The following HTR1F variants were observed in gnomAD, a reference collection of about 807,000 sequenced individuals.
HTR1F encodes the protein 5-hydroxytryptamine receptor 1F, also known as 5-hydroxytryptamine (serotonin) receptor 1F, G protein-coupled.
A neutral mutation model predicts 24.0 loss-of-function variants in HTR1F; 17 were observed. The observed-to-expected ratio is 0.71, with a 90% CI of 0.48 to 1.06. The LOEUF is 1.06. Ranked by LOEUF, HTR1F falls within the 50% of genes least tolerant of loss-of-function variation. The pLI is 0.00. For synonymous variants in HTR1F, 186 were observed against 156.8 expected (o/e 1.19, Z -1.39); for missense variants, 391 against 427.8 (o/e 0.91, Z 0.76).
At chr3:87,912,955 CTT>C (rs1394013677) in intron 2 of HTR1F, among the ~76,000 whole-genome samples, 1 of 152,134 alleles carries the variant, frequency 6.6e-6, no homozygotes, top group Non-Finnish European at 1.5e-5. Context: ...GGATTGAAGA[CTT>C]AAATGTAAAA....
chr3:87,934,859 C>G (rs1025091186), intron 2 of HTR1F, among the ~76,000 whole-genome samples: 2 of 152,094 alleles, frequency 1.3e-5, no homozygotes, highest in African/African-American at 4.8e-5. Flanking sequence ...AGCTTATACT[C>G]TTAACTGTTT....
chr3:87,798,585 C>CT (rs1266863291), intron 1 of HTR1F, among the ~76,000 whole-genome samples: 1 of 151,658 alleles, frequency 6.6e-6, no homozygotes. Context: ...TCTCAGCTAT[C>CT]TTCCCTCAAA....
At chr3:87,805,066 A>G (rs1285196769) in intron 1 of HTR1F, among the ~76,000 whole-genome samples, 1 of 152,054 alleles carries the variant, frequency 6.6e-6, no homozygotes, top group East Asian at 1.9e-4. Flanking sequence ...TGAAATATTA[A>G]TTTTACCATC....
At chr3:87,841,230 CA>C (rs1488655186) in intron 2 of HTR1F, among the ~76,000 whole-genome samples, 1 of 151,194 alleles carries the variant, frequency 6.6e-6, no homozygotes, top group African/African-American at 2.4e-5. Flanking sequence ...CAAGTATTAA[CA>C]AAATTATTAT....
intron 2 of HTR1F, 81 bp from the exon 3 acceptor site, chr3:87,990,627 A>G (rs1233469545): frequency 1.5e-6 from 1 of 684,772 alleles, no homozygotes; most frequent in African/African-American, 1.8e-5. Context: ...CATAACATAC[A>G]CTTTTTAAAA....
At chr3:87,915,657 A>T (rs1703876820) in intron 2 of HTR1F, among the ~76,000 whole-genome samples, 1 of 152,154 alleles carries the variant, frequency 6.6e-6, no homozygotes, top group Non-Finnish European at 1.5e-5. Flanking sequence ...ACAAAGACAA[A>T]GAAAAAAGAA....
At chr3:87,886,264 G>A (rs1228596444) in intron 2 of HTR1F, among the ~76,000 whole-genome samples, 3 of 152,158 alleles carry the variant, frequency 2.0e-5, no homozygotes, top group Non-Finnish European at 1.5e-5. Context: ...AATAGATGCA[G>A]AAAAGGCCTT....
chr3:87,824,038 T>C, intron 2 of HTR1F, among the ~76,000 whole-genome samples: 1 of 137,514 alleles, frequency 7.3e-6, no homozygotes, highest in Non-Finnish European at 1.5e-5. Flanking sequence ...AGGGTGAGAC[T>C]CCGCCTAAAA....
intron 1 of HTR1F, among the ~76,000 whole-genome samples, chr3:87,820,198 A>G (rs1362815968): frequency 7.5e-6 from 1 of 133,384 alleles, no homozygotes; most frequent in Non-Finnish European, 1.6e-5. Context: ...TTTTTTTGAG[A>G]CAGAGTCTCG....
At chr3:87,891,287 G>GC (rs1273723631) in intron 2 of HTR1F, among the ~76,000 whole-genome samples, 1 of 149,604 alleles carries the variant, frequency 6.7e-6, no homozygotes, top group Non-Finnish European at 1.5e-5. Context: ...TAAATTGAGT[G>GC]TTTTTTGTTA....
intron 1 of HTR1F, among the ~76,000 whole-genome samples, chr3:87,796,150 G>A (rs1703900803): frequency 6.6e-6 from 1 of 152,150 alleles, no homozygotes; most frequent in Non-Finnish European, 1.5e-5. Flanking sequence ...TCTTTAACCA[G>A]GATGTATTGT....
intron 2 of HTR1F, among the ~76,000 whole-genome samples, chr3:87,863,873 G>T (rs139742722): frequency 2.3e-4 from 35 of 152,284 alleles, no homozygotes; most frequent in Admixed American, 1.1e-3. Context: ...AGTTTGAAAT[G>T]GTTATCACTG....
At chr3:87,961,645 T>C (rs1395847265) in intron 2 of HTR1F, among the ~76,000 whole-genome samples, 1 of 152,018 alleles carries the variant, frequency 6.6e-6, no homozygotes, top group African/African-American at 2.4e-5. Context: ...TTTTTTGAAC[T>C]TTAATGTATT....
rs1188433988 is a variant in HTR1F at position 87,814,102 on chromosome 3, GTGGTATGCACTTTCACAT to G, written c.-159-7904_-159-7887del. The stretch of plus-strand genomic sequence containing the variant: ...AAAGGTAAAGGGTGCCTTGTGCCTG[GTGGTATGCACTTTCACAT>G]TTAAAGTAATGAATGACGCAATGTG... On this transcript the variant is annotated intron_variant, in intron 1 of 2. Transcript: ENST00000319595. Among the ~76,000 whole-genome samples, 70 of 152,098 alleles carry G rather than the reference GTGGTATGCACTTTCACAT, an allele frequency of 4.6e-4. 2 individuals carry two copies. The highest frequency in any genetic ancestry group is 1.5e-5 in the Non-Finnish European group (1 of 68,014).
chr3:87,944,608 A>T (rs970598808), intron 2 of HTR1F, among the ~76,000 whole-genome samples: 4 of 152,230 alleles, frequency 2.6e-5, no homozygotes, highest in African/African-American at 7.2e-5. Context: ...GGTTAAGGGA[A>T]TTATCAGTGG....
At chr3:87,895,742 T>C (rs1466587840) in intron 2 of HTR1F, among the ~76,000 whole-genome samples, 1 of 152,150 alleles carries the variant, frequency 6.6e-6, no homozygotes, top group Non-Finnish European at 1.5e-5. Context: ...ATAAAAAAAC[T>C]TTTTCTTAAG....
chr3:87,975,672 T>C (rs1487465470), intron 2 of HTR1F, among the ~76,000 whole-genome samples: 5 of 151,854 alleles, frequency 3.3e-5, no homozygotes, highest in Non-Finnish European at 5.9e-5. Context: ...CTTTTTAAAC[T>C]TTAGATAAAG....
At chr3:87,938,136 T>A (rs534491418) in intron 2 of HTR1F, among the ~76,000 whole-genome samples, 2 of 151,934 alleles carry the variant, frequency 1.3e-5, no homozygotes, top group African/African-American at 4.8e-5. Context: ...AACATTCCTA[T>A]ACACCAACAA....
intron 2 of HTR1F, among the ~76,000 whole-genome samples, chr3:87,932,432 G>A (rs1481076891): frequency 1.3e-5 from 2 of 152,154 alleles, no homozygotes; most frequent in African/African-American, 4.8e-5. Context: ...GTACCATGCT[G>A]TTTGGGTTAC....
Sources: gnomAD v4.1 joint callset for allele counts (sites outside exome capture counted in the v4.1 genomes callset) on GRCh38, gnomAD v4.1.1 for gene constraint, MANE v1.5 for transcripts, NCBI Gene and HGNC (gene_info 2026-07-23, HGNC 2026-07-21) for gene names.